The following ZBTB20 variants were observed in gnomAD, a reference collection of about 807,000 sequenced individuals.
ZBTB20 encodes zinc finger and BTB domain-containing protein 20.
In ZBTB20, 9 loss-of-function variants were observed where a neutral mutation model predicts 56.9. That is an observed-to-expected ratio of 0.16 (90% confidence interval 0.10 to 0.28). ZBTB20 has a LOEUF of 0.28. ZBTB20 is among the 10% of genes least tolerant of loss of function. The probability of loss-of-function intolerance (pLI) is 1.00; values close to 1 mark genes in which losing one functional copy is unlikely to be tolerated. For synonymous variants in ZBTB20, 417 were observed against 420.7 expected (o/e 0.99, Z 0.11); for missense variants, 655 against 1,003.0 (o/e 0.65, Z 4.69).
chr3:114,504,885 C>T (rs952861633), intron 6 of ZBTB20, among the ~76,000 whole-genome samples: 1 of 152,100 alleles, frequency 6.6e-6, no homozygotes, highest in African/African-American at 2.4e-5. Flanking sequence ...CAGATCATAC[C>T]GCTGCTGGCG....
intron 2 of ZBTB20, among the ~76,000 whole-genome samples, chr3:115,057,932 G>T (rs2081867489): frequency 6.6e-6 from 1 of 152,068 alleles, no homozygotes; most frequent in Non-Finnish European, 1.5e-5. Context: ...CACAGCTGGG[G>T]TGGCCTCAGG....
chr3:114,561,495 G>GA (rs2052045713), intron 6 of ZBTB20, among the ~76,000 whole-genome samples: 1 of 152,114 alleles, frequency 6.6e-6, no homozygotes, highest in Non-Finnish European at 1.5e-5. Flanking sequence ...TAGCAGGCAT[G>GA]AAAACAACAT....
intron 10 of ZBTB20, among the ~76,000 whole-genome samples, chr3:114,352,602 CT>C: frequency 6.6e-6 from 1 of 152,292 alleles, no homozygotes; most frequent in Admixed American, 6.5e-5. Context: ...ACTCATTCTT[CT>C]TGTCATCTCT....
intron 5 of ZBTB20, among the ~76,000 whole-genome samples, chr3:114,775,634 C>A (rs1365333524): frequency 6.6e-6 from 1 of 152,082 alleles, no homozygotes; most frequent in African/African-American, 2.4e-5. Context: ...ACACGGAGCC[C>A]TTTGATCCTA....
At chr3:114,958,303 C>T (rs1291231352) in intron 3 of ZBTB20, among the ~76,000 whole-genome samples, 1 of 152,154 alleles carries the variant, frequency 6.6e-6, no homozygotes, top group Non-Finnish European at 1.5e-5. Flanking sequence ...TTTCTTACTT[C>T]CTGTAACTTA....
At position 114,800,815 on chromosome 3, in the gene ZBTB20, C is replaced by T. The variant is rs530230543; in HGVS notation, c.-343+286G>A. 7.3e-5 allele frequency among the ~76,000 whole-genome samples: 11 copies of T among 151,374 alleles called. No homozygotes were observed. The South Asian group carries it at 2.3e-3, about 31-fold the overall frequency. ...TAAAATAAAAAAGCAAGAATCTTTC[C>T]AGACAGGGTGTGTGTCACTGTGCTC... is the stretch of plus-strand genomic sequence containing the variant. On this transcript the variant is annotated intron_variant, in intron 5 of 11. Transcript: ENST00000675478.
At chr3:115,131,318 T>C (rs1299404389) in intron 1 of ZBTB20, among the ~76,000 whole-genome samples, 1 of 152,184 alleles carries the variant, frequency 6.6e-6, no homozygotes. Flanking sequence ...CTTATAAATA[T>C]ACATATTCAA....
At chr3:115,011,331 CAA>C (rs926968940) in intron 2 of ZBTB20, among the ~76,000 whole-genome samples, 11 of 151,614 alleles carry the variant, frequency 7.3e-5, no homozygotes, top group African/African-American at 2.4e-4. Context: ...AGATTTAACC[CAA>C]AGAAGACTAC....
intron 2 of ZBTB20, among the ~76,000 whole-genome samples, chr3:114,988,131 T>C (rs2108128250): frequency 1.3e-5 from 2 of 149,054 alleles, no homozygotes; most frequent in Non-Finnish European, 3.0e-5. Context: ...AGTTCTAGGG[T>C]ACATGTGCAC....
At chr3:114,812,669 T>G (rs1216148760) in intron 4 of ZBTB20, among the ~76,000 whole-genome samples, 1 of 152,220 alleles carries the variant, frequency 6.6e-6, no homozygotes, top group Non-Finnish European at 1.5e-5. Flanking sequence ...CAGGTGGAGC[T>G]GCCTGCCAGT....
chr3:115,087,485 TCAG>T (rs1379946363), intron 1 of ZBTB20, among the ~76,000 whole-genome samples: 1 of 151,900 alleles, frequency 6.6e-6, no homozygotes, highest in Admixed American at 6.6e-5. Context: ...CCTGAGATTA[TCAG>T]CAGAATACTT....
intron 5 of ZBTB20, among the ~76,000 whole-genome samples, chr3:114,708,281 T>A (rs2063838368): frequency 6.6e-6 from 1 of 152,154 alleles, no homozygotes; most frequent in Admixed American, 6.6e-5. Flanking sequence ...CAGAAAGGAC[T>A]CAGAGAAAAG....
intron 5 of ZBTB20, among the ~76,000 whole-genome samples, chr3:114,767,017 T>C (rs2068835684): frequency 6.6e-6 from 1 of 152,108 alleles, no homozygotes; most frequent in African/African-American, 2.4e-5. Context: ...GTAACCTGAG[T>C]TCTTTTTCAA....
intron 5 of ZBTB20, among the ~76,000 whole-genome samples, chr3:114,747,262 A>T (rs2108626300): frequency 6.6e-6 from 1 of 152,320 alleles, no homozygotes; most frequent in South Asian, 2.1e-4. Flanking sequence ...GGGTGGAAAT[A>T]GCCAAATGTA....
chr3:114,357,804 T>G (rs2081406346), intron 10 of ZBTB20, among the ~76,000 whole-genome samples: 1 of 152,212 alleles, frequency 6.6e-6, no homozygotes, highest in South Asian at 2.1e-4. Flanking sequence ...TCTGTTGAAC[T>G]GATATTTTCC....
intron 2 of ZBTB20, among the ~76,000 whole-genome samples, chr3:115,016,227 A>C (rs1337739090): frequency 6.6e-6 from 1 of 151,942 alleles, no homozygotes. Flanking sequence ...CCTTTGTCAG[A>C]TGGGTAGAAT....
chr3:114,966,338 G>A (rs984014526), intron 3 of ZBTB20, among the ~76,000 whole-genome samples: 1 of 152,056 alleles, frequency 6.6e-6, no homozygotes, highest in African/African-American at 2.4e-5. Flanking sequence ...CACACGAGGT[G>A]AATGAAGAAA....
chr3:114,673,511 A>G (rs1278706833), intron 6 of ZBTB20, among the ~76,000 whole-genome samples: 1 of 152,194 alleles, frequency 6.6e-6, no homozygotes, highest in Admixed American at 6.6e-5. Context: ...GGCTGAAACC[A>G]TTATAAGTAG....
chr3:114,421,196 C>A (rs926333635), intron 7 of ZBTB20, among the ~76,000 whole-genome samples: 1 of 152,058 alleles, frequency 6.6e-6, no homozygotes, highest in Non-Finnish European at 1.5e-5. Context: ...GCTCACTATG[C>A]ATGTTCACCA....
Sources: allele counts gnomAD v4.1 joint callset (sites outside exome capture counted in the v4.1 genomes callset), GRCh38; gene constraint gnomAD v4.1.1; transcripts MANE v1.5; gene names NCBI Gene and HGNC (gene_info 2026-07-23, HGNC 2026-07-21).